The following PPP4R1 variants were observed in gnomAD, a reference collection of about 807,000 sequenced individuals.
PPP4R1 encodes the protein serine/threonine-protein phosphatase 4 regulatory subunit 1.
In PPP4R1, 42 loss-of-function variants were observed where a neutral mutation model predicts 111.2. The observed-to-expected ratio is 0.38, with a 90% CI of 0.29 to 0.49. The LOEUF is 0.49. Among genes scored for constraint, PPP4R1 ranks in the 20% least tolerant of loss-of-function variants. The pLI, the probability that PPP4R1 is intolerant of heterozygous loss-of-function variation, is 0.97. For missense variants in PPP4R1, 1,012 were observed against 1,161.6 expected, an observed-to-expected ratio of 0.87 and a Z score of 1.87; for synonymous variants, 409 against 405.5, an observed-to-expected ratio of 1.01 and a Z score of -0.10.
chr18:9,581,940 T>G (rs1282481861), intron 9 of PPP4R1, among the ~76,000 whole-genome samples: 1 of 152,114 alleles, frequency 6.6e-6, no homozygotes, highest in African/African-American at 2.4e-5. Context: ...AATCTCACAT[T>G]AAGTAAAGCT....
At position 9,566,385 on chromosome 18, in the gene PPP4R1, C is replaced by A. The variant is rs1032728503; in HGVS notation, c.1574-2835G>T. On this transcript the variant is annotated intron_variant, in intron 11 of 19. Transcript: ENST00000400556. ...TAAAACCAGGCCAGGAGTGGTGGCT[C>A]ACGCCTGTAATCCCAGCACTTTGGG... Among the ~76,000 whole-genome samples the A allele has an allele frequency of 2.0e-5, 3 of 151,894 alleles. No homozygotes were observed. The South Asian group carries it at 6.3e-4, about 32-fold the overall frequency.
chr18:9,557,543 A>G (rs1490980188), intron 14 of PPP4R1, among the ~76,000 whole-genome samples, 161 bp from the exon 15 acceptor site: 1 of 152,248 alleles, frequency 6.6e-6, no homozygotes, highest in Non-Finnish European at 1.5e-5. Context: ...TATGCATCGA[A>G]AAGTGTAACA....
At chr18:9,600,033 G>C (rs1158263009) in intron 2 of PPP4R1, among the ~76,000 whole-genome samples, 1 of 152,146 alleles carries the variant, frequency 6.6e-6, no homozygotes, top group South Asian at 2.1e-4. Flanking sequence ...AATGCAGACT[G>C]TTATACAACC....
chr18:9,611,902 T>C (rs560830783), intron 2 of PPP4R1, among the ~76,000 whole-genome samples: 3 of 152,062 alleles, frequency 2.0e-5, no homozygotes, highest in Non-Finnish European at 1.5e-5. Context: ...TCCCAGTTAC[T>C]TGGGAGGCTG....
intron 10 of PPP4R1, among the ~76,000 whole-genome samples, chr18:9,571,657 A>T (rs1167462259): frequency 6.6e-6 from 1 of 152,220 alleles, no homozygotes; most frequent in Non-Finnish European, 1.5e-5. Context: ...TTGTGCTTAG[A>T]AGAACCAATA....
intron 8 of PPP4R1, 142 bp from the exon 9 acceptor site, chr18:9,583,417 A>T: frequency 1.1e-6 from 1 of 876,564 alleles, no homozygotes. Flanking sequence ...CCCAGGCTGG[A>T]GTGAGGTGGT....
rs1230886223 is a variant in PPP4R1 at position 9,548,033 on chromosome 18, G to C, written c.2690-81C>G. On this transcript the variant is annotated intron_variant, in intron 19 of 19. Transcript: ENST00000400556. ...GTTCCGTCAAGTACGAGTGTAAACA[G>C]TTAAACTGGGTATTTCTACAAGTAC... The C allele has an allele frequency of 2.2e-6, 3 of 1,369,222 alleles. No individual in the cohort carries two copies. The African/African-American group carries it at 4.3e-5, about 20-fold the overall frequency. 84.8% of individuals were successfully genotyped at this position (1,369,222 alleles called of 1,614,324 possible).
chr18:9,549,163 C>G (rs781106477), intron 19 of PPP4R1, 34 bp downstream of exon 19: 2 of 1,599,434 alleles, frequency 1.3e-6, no homozygotes, highest in African/African-American at 2.7e-5. Flanking sequence ...TCCTTCTCTA[C>G]TCACACGCTT....
intron 11 of PPP4R1, among the ~76,000 whole-genome samples, chr18:9,569,459 C>T (rs899564224): frequency 6.6e-6 from 1 of 152,088 alleles, no homozygotes; most frequent in Non-Finnish European, 1.5e-5. Context: ...ACTGCGTGTA[C>T]TGCTATCTTA....
chr18:9,578,152 C>T (rs759631623), intron 9 of PPP4R1, among the ~76,000 whole-genome samples: 6 of 152,160 alleles, frequency 3.9e-5, no homozygotes, highest in Non-Finnish European at 7.3e-5. Flanking sequence ...GAAGGATGGA[C>T]ACAATCGGAC....
chr18:9,594,345 GATTTT>G (rs1367771512), intron 3 of PPP4R1: 1 of 152,196 alleles, frequency 6.6e-6, no homozygotes, highest in East Asian at 1.9e-4. Flanking sequence ...CGGCAGTATT[GATTTT>G]ATTTTAACAA....
chr18:9,564,385 G>T (rs1568094351), intron 11 of PPP4R1, among the ~76,000 whole-genome samples: 1 of 152,126 alleles, frequency 6.6e-6, no homozygotes, highest in Admixed American at 6.5e-5. Context: ...CTATTATGCT[G>T]CAGCATTTAT....
intron 15 of PPP4R1, 92 bp downstream of exon 15, chr18:9,557,129 C>CA: frequency 7.9e-7 from 1 of 1,273,266 alleles, no homozygotes; most frequent in Non-Finnish European, 1.1e-6. Flanking sequence ...CATAGAAACA[C>CA]AAAGAAACCT....
At chr18:9,557,178 C>G in intron 15 of PPP4R1, 43 bp downstream of exon 15, 1 of 1,499,636 alleles carries the variant, frequency 6.7e-7, no homozygotes, top group Non-Finnish European at 9.0e-7. Context: ...TAGATTACGG[C>G]AGAATTTTGT....
chr18:9,609,771 G>T (rs1255080671), intron 2 of PPP4R1, among the ~76,000 whole-genome samples: 1 of 152,176 alleles, frequency 6.6e-6, no homozygotes, highest in African/African-American at 2.4e-5. Context: ...CTTTAAGAAC[G>T]AGTTCAAAGA....
intron 11 of PPP4R1, among the ~76,000 whole-genome samples, chr18:9,567,155 G>A (rs777349182): frequency 3.3e-5 from 5 of 152,148 alleles, no homozygotes; most frequent in Admixed American, 6.5e-5. Flanking sequence ...GAGCATTCAC[G>A]ATTCATGGGA....
chr18:9,592,520 C>G (rs571307181), intron 4 of PPP4R1, among the ~76,000 whole-genome samples: 1 of 152,306 alleles, frequency 6.6e-6, no homozygotes, highest in South Asian at 2.1e-4. Context: ...AATCCTTGTT[C>G]ACCTTAATAA....
At chr18:9,612,940 T>C (rs1228189621) in intron 2 of PPP4R1, among the ~76,000 whole-genome samples, 1 of 152,214 alleles carries the variant, frequency 6.6e-6, no homozygotes, top group Non-Finnish European at 1.5e-5. Context: ...ATCTAAATAG[T>C]AAATCCCCCT....
intron 2 of PPP4R1, among the ~76,000 whole-genome samples, chr18:9,596,355 C>T (rs909115622): frequency 6.6e-6 from 1 of 152,152 alleles, no homozygotes; most frequent in African/African-American, 2.4e-5. Context: ...TTATTATTTC[C>T]TGGCACTTCC....
Sources: gnomAD v4.1 joint callset for allele counts (sites outside exome capture counted in the v4.1 genomes callset) on GRCh38, gnomAD v4.1.1 for gene constraint, MANE v1.5 for transcripts, NCBI Gene and HGNC (gene_info 2026-07-23, HGNC 2026-07-21) for gene names.